The following SSRP1 variants were observed in gnomAD, a reference collection of about 807,000 sequenced individuals.
The protein encoded by SSRP1 is FACT complex subunit SSRP1.
SSRP1 carries 21 observed loss-of-function variants against 84.4 expected under a neutral mutation model. The ratio of observed to expected loss-of-function variants is 0.25; its 90% CI spans 0.18 to 0.36. The LOEUF is 0.36. Among genes scored for constraint, SSRP1 ranks in the 10% least tolerant of loss-of-function variants. SSRP1 has a pLI of 1.00. For synonymous variants in SSRP1, 319 were observed against 318.3 expected (o/e 1.00, Z -0.02); for missense variants, 519 against 900.8 (o/e 0.58, Z 5.43).
In SSRP1 at chr11:57,327,494, C is replaced by T. The variant is rs1417092100; in HGVS notation, c.1803G>A (p.Glu601=). Reference sequence around the variant, plus strand: ...CTTTTTCATAGTCCCTCCTGGCATCCTCAGCCTTGCGATCCCACTCCTGTC... The same window carrying T: ...CTTTTTCATAGTCCCTCCTGGCATCTTCAGCCTTGCGATCCCACTCCTGTC... The part of the protein sequence containing the change: ...EKKEEWDRKA[E]DARRDYEKAM... Residue 601 remains glutamate, a synonymous_variant, in exon 15 of 17, where the codon GAG becomes GAA. Transcript: ENST00000278412. The T allele has an allele frequency of 2.5e-6, 4 of 1,614,048 alleles. No individual in the cohort carries two copies. In the African/African-American group the frequency reaches 5.3e-5, roughly 22 times the overall value.
chr11:57,328,255 C>A (rs1856023431), intron 13 of SSRP1, 42 bp downstream of exon 13: 1 of 1,605,756 alleles, frequency 6.2e-7, no homozygotes, highest in African/African-American at 1.3e-5. Context: ...ACGCCCCCCA[C>A]CCACTGCACC....
rs143498431 is a variant in SSRP1 at position 57,332,492 on chromosome 11, A to G, written c.769-6T>C. On this transcript the variant is annotated splice_polypyrimidine_tract_variant and splice_region_variant and intron_variant, in intron 6 of 16. Coordinates refer to ENST00000278412, the MANE Select transcript of SSRP1 (RefSeq NM_003146.3). The surrounding 1 kb of genome is among the most constrained non-coding windows in gnomAD (Gnocchi z 5.5). ...ATTGGGGGATCCAGGCTGATCTAGT[A>G]AGGAAGAGTACTAATTGACACTCTA... 5.3e-5 allele frequency: 85 copies of G among 1,613,948 alleles called. No individual in the cohort carries two copies. In the African/African-American group the frequency reaches 9.1e-4, roughly 17 times the overall value.
intron 4 of SSRP1, 80 bp downstream of exon 4, chr11:57,333,355 G>A (rs773732643): frequency 1.7e-5 from 22 of 1,331,760 alleles, no homozygotes; most frequent in Non-Finnish European, 2.3e-5. Flanking sequence ...AGTGGCAGAG[G>A]GAAAAGAGCA....
In SSRP1 at chr11:57,330,878, T is replaced by C; in HGVS notation, c.1273A>G (p.Ile425Val). ...ACCTCTTTCAATCCTCGGTTTTTGA[T>C]GTTGAGCTTTTTCGCGTTGACAAAA... ...FDFVNAKKLN[I>V]KNRGLKEGMN... is the part of the protein sequence containing the mutation. The change falls in exon 10 of 17, where the codon ATC becomes GTC. Residue 425 changes from isoleucine to valine, a missense_variant. This residue lies in a region of SSRP1 where 34 missense variants were observed against 34.3 expected (regional missense o/e 0.99). Coordinates refer to ENST00000278412, the MANE Select transcript of SSRP1 (RefSeq NM_003146.3). This position sits in a 1 kb window ranked among gnomAD's most constrained non-coding sequence, Gnocchi z 4.0. 1 of 1,614,242 alleles carries C rather than the reference T, an allele frequency of 6.2e-7. No individual in the cohort carries two copies. Among genetic ancestry groups the C allele is most frequent in the Non-Finnish European group, 8.5e-7 (1 of 1,180,042 alleles).
At chr11:57,331,033 C>G in intron 9 of SSRP1, 106 bp from the exon 10 acceptor site, 1 of 1,299,938 alleles carries the variant, frequency 7.7e-7, no homozygotes, top group South Asian at 1.2e-5. Flanking sequence ...GAGCCTGGAG[C>G]TCTTGACTAT....
intron 12 of SSRP1, chr11:57,329,573 G>A (rs754589238): frequency 3.1e-4 from 49 of 160,170 alleles, no homozygotes; most frequent in Non-Finnish European, 6.1e-4. Context: ...AGATTTGAGC[G>A]CCTGAATCCA....
In SSRP1 at chr11:57,326,324, C is replaced by T; in HGVS notation, c.*83G>A. 1 of 1,333,138 alleles carries T rather than the reference C, an allele frequency of 7.5e-7. No homozygotes were observed. Among genetic ancestry groups the T allele is most frequent in the Non-Finnish European group, 1.1e-6 (1 of 931,778 alleles). 82.6% of individuals were successfully genotyped at this position (1,333,138 alleles called of 1,614,324 possible). The stretch of plus-strand genomic sequence containing the variant: ...GGCACAGAATCCAGGGACTGCATTT[C>T]ATGAGGAGAAACTGGTACCAAAATA... On this transcript the variant is annotated 3_prime_UTR_variant, in exon 17 of 17. Coordinates refer to ENST00000278412, the MANE Select transcript of SSRP1 (RefSeq NM_003146.3).
chr11:57,330,976 G>A lies in SSRP1; in HGVS notation c.1224-49C>T, dbSNP rs754914616. ...TACCAGAGAGGTAGTGCCAACACAG[G>A]GGCACACTAAACAATGTTCTGATTC... On this transcript the variant is annotated intron_variant, in intron 9 of 16. Coordinates refer to ENST00000278412, the MANE Select transcript of SSRP1 (RefSeq NM_003146.3). The surrounding 1 kb of genome is among the most constrained non-coding windows in gnomAD (Gnocchi z 4.0). 2 of 1,587,808 alleles carry A rather than the reference G, an allele frequency of 1.3e-6. No homozygotes were observed. Among genetic ancestry groups the A allele is most frequent in the Middle Eastern group, 1.7e-4 (1 of 5,920 alleles).
At position 57,330,705 on chromosome 11, in the gene SSRP1, A is replaced by G. The variant is rs548756524; in HGVS notation, c.1296+150T>C. 2.0e-6 allele frequency: 3 copies of G among 1,488,644 alleles called. No individual in the cohort carries two copies. The highest frequency in any genetic ancestry group is 2.8e-5 in the African/African-American group (2 of 71,454). 92.2% of individuals were successfully genotyped at this position (1,488,644 alleles called of 1,614,324 possible). On this transcript the variant is annotated intron_variant, in intron 10 of 16. Transcript: ENST00000278412. This position sits in a 1 kb window ranked among gnomAD's most constrained non-coding sequence, Gnocchi z 4.0. ...CTAAGGTCATGCAGAGGAAACCTGC[A>G]CCAGGAGGGGGAAAGGGTCACACGC...
chr11:57,333,161 G>A lies in SSRP1; in HGVS notation c.347-12C>T. On this transcript the variant is annotated splice_polypyrimidine_tract_variant and intron_variant, in intron 4 of 16. Coordinates refer to ENST00000278412, the MANE Select transcript of SSRP1 (RefSeq NM_003146.3). ...GGAAAGCAGCTGCCCTGTGAGGAAA[G>A]GGCTTATCCAGCCACAAGCTCCTCC... 6.3e-7 allele frequency: 1 copy of A among 1,596,314 alleles called. No homozygotes were observed. The highest frequency in any genetic ancestry group is 8.6e-7 in the Non-Finnish European group (1 of 1,169,158).
At chr11:57,328,070 A>T (rs1430399488) in intron 13 of SSRP1, 188 bp from the exon 14 acceptor site, 1 of 945,816 alleles carries the variant, frequency 1.1e-6, no homozygotes, top group Non-Finnish European at 1.5e-6. Flanking sequence ...GCTTACCAGG[A>T]CAGAAGCCCA....
chr11:57,330,230 A>C lies in SSRP1; in HGVS notation c.1435+61T>G, dbSNP rs1380238017. On this transcript the variant is annotated intron_variant, in intron 11 of 16. Transcript: ENST00000278412. The surrounding 1 kb of genome is among the most constrained non-coding windows in gnomAD (Gnocchi z 4.0). ...CCAGCTCTGGCCCAAGGGTGAGTCC[A>C]GCCCGGGCCACAGCGAGGAGCGTCT... is the stretch of plus-strand genomic sequence containing the variant. 1.2e-6 allele frequency: 2 copies of C among 1,613,910 alleles called. No homozygotes were observed. Among genetic ancestry groups the C allele is most frequent in the Admixed American group, 3.3e-5 (2 of 60,014 alleles).
Position 57,332,564 on chromosome 11 carries a change from TC to T in SSRP1, c.768+60del. ...CGTAGAATTCTGCACACCAGTGAGATCCATCTACTTAACACTTAGGCAAAAA... is the reference window on the plus strand; with the variant it reads ...CGTAGAATTCTGCACACCAGTGAGATCATCTACTTAACACTTAGGCAAAAA... On this transcript the variant is annotated intron_variant, in intron 6 of 16. Coordinates refer to ENST00000278412, the MANE Select transcript of SSRP1 (RefSeq NM_003146.3). The surrounding 1 kb of genome is among the most constrained non-coding windows in gnomAD (Gnocchi z 5.5). 17 of 1,603,700 alleles carry T rather than the reference TC, an allele frequency of 1.1e-5. No homozygotes were observed. Among genetic ancestry groups the T allele is most frequent in the Non-Finnish European group, 1.5e-5 (17 of 1,171,642 alleles).
intron 12 of SSRP1, chr11:57,329,568 T>G (rs1856049680): frequency 6.2e-6 from 1 of 160,842 alleles, no homozygotes; most frequent in African/African-American, 2.4e-5. Flanking sequence ...GAAATAGATT[T>G]GAGCGCCTGA....
intron 3 of SSRP1, 27 bp downstream of exon 3, chr11:57,334,436 G>T (rs763661339): frequency 2.5e-6 from 4 of 1,604,076 alleles, no homozygotes; most frequent in Non-Finnish European, 3.4e-6. Flanking sequence ...CAGTAAAAAG[G>T]AGGCTTATAG....
Position 57,332,315 on chromosome 11 carries a change from T to C in SSRP1, c.873-35A>G, listed in dbSNP as rs764752282. Reference sequence around the variant, plus strand: ...AAGCAAGGTGAGGTCACAACACTACTGCCTTCTAATGGCACACCTGTCTCC... The same window carrying C: ...AAGCAAGGTGAGGTCACAACACTACCGCCTTCTAATGGCACACCTGTCTCC... On this transcript the variant is annotated intron_variant, in intron 7 of 16. Coordinates refer to ENST00000278412, the MANE Select transcript of SSRP1 (RefSeq NM_003146.3). The surrounding 1 kb of genome is among the most constrained non-coding windows in gnomAD (Gnocchi z 5.5). 5.0e-6 allele frequency: 8 copies of C among 1,613,874 alleles called. No individual in the cohort carries two copies. Among genetic ancestry groups the C allele is most frequent in the East Asian group, 4.5e-5 (2 of 44,890 alleles).
At chr11:57,331,537 G>A (rs975136834) in intron 9 of SSRP1, 131 bp downstream of exon 9, 2 of 679,102 alleles carry the variant, frequency 2.9e-6, no homozygotes, top group African/African-American at 3.6e-5. Context: ...CAGGGAAAAG[G>A]ACCAAATCCT....
At position 57,327,439 on chromosome 11, in the gene SSRP1, C is replaced by T. The variant is rs748477169; in HGVS notation, c.1858G>A (p.Glu620Lys). ...AMKEYEGGRG[E>K]SSKRDKSKKK... ...CTCGACACTCACCTCTTAGAAGACT[C>T]GCCTCGGCCCCCTTCATATTCTTTC... The change falls in exon 15 of 17, where the codon GAG (glutamate) becomes AAG (lysine). Residue 620 changes from glutamate (E) to lysine (K), a missense_variant. Glu to Lys is a moderately conservative substitution (Grantham distance 56). Coordinates refer to ENST00000278412, the MANE Select transcript of SSRP1 (RefSeq NM_003146.3). The T allele has an allele frequency of 1.9e-6, 3 of 1,614,130 alleles. No individual in the cohort carries two copies. The South Asian group carries it at 3.3e-5, about 18-fold the overall frequency.
intron 9 of SSRP1, 123 bp from the exon 10 acceptor site, chr11:57,331,050 C>A: frequency 9.5e-7 from 1 of 1,049,072 alleles, no homozygotes; most frequent in South Asian, 1.4e-5. Context: ...CTATGCTACC[C>A]AACCCAACAG....
Sources: gnomAD v4.1 joint callset for allele counts on GRCh38, gnomAD v4.1.1 for gene constraint, gnomAD v4.1.1 regional missense constraint, Gnocchi (gnomAD v3.1) non-coding constraint, MANE v1.5 for transcripts, NCBI Gene and HGNC (gene_info 2026-07-23, HGNC 2026-07-21) for gene names.